ADAM10: variants seen among roughly 807,000 people sequenced by gnomAD.
ADAM10 encodes disintegrin and metalloproteinase domain-containing protein 10.
ADAM10 carries 17 observed loss-of-function variants against 90.1 expected under a neutral mutation model. The observed-to-expected ratio is 0.19, with a 90% CI of 0.13 to 0.28. The LOEUF (loss-of-function observed/expected upper bound fraction) is 0.28. ADAM10 is among the 10% of genes least tolerant of loss of function. The pLI is 1.00. For synonymous variants in ADAM10, 310 were observed against 298.6 expected (o/e 1.04, Z -0.40); for missense variants, 610 against 914.3 (o/e 0.67, Z 4.29).
intron 2 of ADAM10, chr15:58,693,110 T>G (rs1438619044): frequency 1.3e-6 from 1 of 741,550 alleles, no homozygotes; most frequent in Admixed American, 1.7e-5. Context: ...TAGAAGGTAT[T>G]GATTATGAGA....
intron 14 of ADAM10, among the ~76,000 whole-genome samples, chr15:58,607,180 G>A (rs1339873908): frequency 1.3e-5 from 2 of 152,240 alleles, no homozygotes; most frequent in African/African-American, 4.8e-5. Flanking sequence ...TAGATGAGTG[G>A]TTCTTAACCC....
At chr15:58,638,334 C>A (rs1431233219) in intron 8 of ADAM10, among the ~76,000 whole-genome samples, 1 of 152,132 alleles carries the variant, frequency 6.6e-6, no homozygotes, top group East Asian at 1.9e-4. Context: ...ATGAAGTACA[C>A]AGGAAGTATC....
intron 14 of ADAM10, 87 bp from the exon 15 acceptor site, chr15:58,599,811 G>T: frequency 1.5e-6 from 2 of 1,327,790 alleles, no homozygotes; most frequent in Non-Finnish European, 1.1e-6. Context: ...ACATAGAATA[G>T]AACACAGTAT....
chr15:58,747,101 T>C (rs1187191428), intron 1 of ADAM10, among the ~76,000 whole-genome samples: 2 of 152,198 alleles, frequency 1.3e-5, no homozygotes, highest in Non-Finnish European at 2.9e-5. Flanking sequence ...CAAAACATTA[T>C]GGAATTTACT....
At chr15:58,714,564 A>G (rs552916702) in intron 2 of ADAM10, among the ~76,000 whole-genome samples, 1 of 152,306 alleles carries the variant, frequency 6.6e-6, no homozygotes, top group South Asian at 2.1e-4. Context: ...GCCACAATGT[A>G]TAAGACAGTA....
At chr15:58,705,430 TAGG>T (rs1425033360) in intron 2 of ADAM10, among the ~76,000 whole-genome samples, 3 of 152,300 alleles carry the variant, frequency 2.0e-5, no homozygotes, top group African/African-American at 7.2e-5. Context: ...AGTGAAGTTA[TAGG>T]AGGACAAAAT....
At chr15:58,711,863 A>AT (rs1400150085) in intron 2 of ADAM10, among the ~76,000 whole-genome samples, 6 of 152,142 alleles carry the variant, frequency 3.9e-5, no homozygotes, top group Non-Finnish European at 5.9e-5. Context: ...CATTTTACTT[A>AT]TTTTTTTAAT....
At chr15:58,630,892 T>C (rs1390990071) in intron 9 of ADAM10, among the ~76,000 whole-genome samples, 1 of 152,168 alleles carries the variant, frequency 6.6e-6, no homozygotes, top group Admixed American at 6.5e-5. Flanking sequence ...CCAAAGTTGT[T>C]AGTGGGCCTA....
rs201527102 is a variant in ADAM10 at position 58,646,038 on chromosome 15, C to A, written c.735+17G>T. 21 of 1,612,248 alleles carry A rather than the reference C, an allele frequency of 1.3e-5. No homozygotes were observed. Among genetic ancestry groups the A allele is most frequent in the Admixed American group, 3.3e-5 (2 of 60,002 alleles). On this transcript the variant is annotated intron_variant, in intron 6 of 15. Transcript: ENST00000260408. ...AACAATATGGGAACTACTAAAATAG[C>A]GCATAATCATAAATACCTGGGCAAT...
chr15:58,688,339 G>A (rs1413160905), intron 2 of ADAM10, among the ~76,000 whole-genome samples: 1 of 151,854 alleles, frequency 6.6e-6, no homozygotes, highest in Non-Finnish European at 1.5e-5. Flanking sequence ...ATCAGCCTGG[G>A]CAATGTAGCA....
chr15:58,652,326 A>G (rs1193272176), intron 5 of ADAM10, among the ~76,000 whole-genome samples: 2 of 152,136 alleles, frequency 1.3e-5, no homozygotes, highest in African/African-American at 4.8e-5. Flanking sequence ...TGTCCACATG[A>G]AAGTGGGGAG....
rs1894868271 is a variant in ADAM10 at position 58,593,206 on chromosome 15, G to T, written c.*4341C>A. On this transcript the variant is annotated 3_prime_UTR_variant, in exon 16 of 16. Transcript: ENST00000260408. ...TTTTTTTTTTTTTTTTTGAGACAGA[G>T]TCTCGCTCTGTCACCCAGGCTGGAG... The T allele has an allele frequency of 1.0e-5, 1 of 95,710 alleles. No homozygotes were observed. 5.9% of individuals were successfully genotyped at this position (95,710 alleles called of 1,614,324 possible).
intron 1 of ADAM10, among the ~76,000 whole-genome samples, chr15:58,721,518 G>A (rs1028039183): frequency 2.6e-5 from 4 of 152,220 alleles, no homozygotes; most frequent in Non-Finnish European, 4.4e-5. Flanking sequence ...AAATAAGGGG[G>A]CCATGGGTAG....
intron 2 of ADAM10, among the ~76,000 whole-genome samples, chr15:58,707,614 T>C (rs919438592): frequency 6.6e-6 from 1 of 152,160 alleles, no homozygotes. Flanking sequence ...GGAGGGCCAA[T>C]GGAAAGAACC....
intron 1 of ADAM10, among the ~76,000 whole-genome samples, chr15:58,719,793 A>T (rs1436147648): frequency 3.3e-5 from 5 of 152,226 alleles, no homozygotes; most frequent in African/African-American, 1.2e-4. Flanking sequence ...TCGAATAGAA[A>T]ACTACTCAGG....
intron 2 of ADAM10, chr15:58,692,205 G>C (rs777854003): frequency 1.2e-5 from 7 of 566,202 alleles, no homozygotes; most frequent in Non-Finnish European, 2.1e-5. Context: ...GATGAGGGAT[G>C]AACAGCAATG....
intron 3 of ADAM10, 113 bp from the exon 4 acceptor site, chr15:58,679,395 C>T (rs2140751062): frequency 5.8e-6 from 5 of 864,342 alleles, no homozygotes; most frequent in Non-Finnish European, 9.3e-6. Context: ...TACATATATA[C>T]ACATATATAT....
chr15:58,621,414 T>A, intron 11 of ADAM10, 57 bp downstream of exon 11: 1 of 1,600,998 alleles, frequency 6.2e-7, no homozygotes, highest in Non-Finnish European at 8.6e-7. Context: ...AAATTTGTCA[T>A]AACTGCATTG....
At chr15:58,610,643 G>A (rs1342803833) in intron 13 of ADAM10, 126 bp from the exon 14 acceptor site, 1 of 914,496 alleles carries the variant, frequency 1.1e-6, no homozygotes, top group African/African-American at 1.6e-5. Context: ...ATGTTATACA[G>A]ACCTTCTCTA....
Sources: gnomAD v4.1 joint callset for allele counts (sites outside exome capture counted in the v4.1 genomes callset) on GRCh38, gnomAD v4.1.1 for gene constraint, MANE v1.5 for transcripts, NCBI Gene and HGNC (gene_info 2026-07-23, HGNC 2026-07-21) for gene names.